SRGAP3: variants seen among roughly 807,000 people sequenced by gnomAD.
The protein encoded by SRGAP3 is SLIT-ROBO Rho GTPase-activating protein 3.
In SRGAP3, 39 loss-of-function variants were observed where a neutral mutation model predicts 121.1. The observed-to-expected ratio is 0.32, with a 90% confidence interval of 0.25 to 0.42. SRGAP3 has a LOEUF of 0.42. Among genes scored for constraint, SRGAP3 ranks in the 10% least tolerant of loss-of-function variants. SRGAP3 has a pLI of 1.00. For missense variants in SRGAP3, 1,213 were observed against 1,470.6 expected (o/e 0.82, Z 2.86); for synonymous variants, 601 against 570.0 (o/e 1.05, Z -0.77).
intron 10 of SRGAP3, 134 bp downstream of exon 10, chr3:9,047,257 G>T: frequency 4.5e-6 from 4 of 881,046 alleles, no homozygotes; most frequent in Non-Finnish European, 5.5e-6. Context: ...AGCCTGCCCA[G>T]TCCTGGTAAG....
At position 8,995,995 on chromosome 3, in the gene SRGAP3, A is replaced by T. The variant is rs531730995; in HGVS notation, c.2228-1472T>A. 3.3e-5 allele frequency among the ~76,000 whole-genome samples: 5 copies of T among 152,232 alleles called. No individual in the cohort carries two copies. The South Asian group carries it at 1.0e-3, about 32-fold the overall frequency. ...ACTGTGGACAATCTCGTCTTCATCG[A>T]TCTATTCATCCACCTGTCCATCACA... On this transcript the variant is annotated intron_variant, in intron 18 of 21. Transcript: ENST00000383836.
intron 17 of SRGAP3, among the ~76,000 whole-genome samples, 163 bp from the exon 18 acceptor site, chr3:9,010,550 T>G (rs935969656): frequency 6.6e-6 from 1 of 152,176 alleles, no homozygotes; most frequent in Non-Finnish European, 1.5e-5. Context: ...GGGACCTTCC[T>G]AATCAGAAAA....
At chr3:9,161,898 C>T (rs1436316651) in intron 1 of SRGAP3, among the ~76,000 whole-genome samples, 1 of 151,852 alleles carries the variant, frequency 6.6e-6, no homozygotes, top group East Asian at 1.9e-4. Flanking sequence ...TCACAACAGC[C>T]AAAAGGTAGA....
At chr3:9,193,604 C>T (rs1466004181) in intron 1 of SRGAP3, 1 of 152,284 alleles carries the variant, frequency 6.6e-6, no homozygotes, top group Non-Finnish European at 1.5e-5. Context: ...ACTAAGATCC[C>T]TGTGACACTG....
At position 9,122,479 on chromosome 3, in the gene SRGAP3, G is replaced by A. The variant is rs1189648430; in HGVS notation, c.260+2246C>T. 2.6e-5 allele frequency among the ~76,000 whole-genome samples: 4 copies of A among 152,244 alleles called. No homozygotes were observed. The East Asian group carries it at 7.7e-4, about 29-fold the overall frequency. On this transcript the variant is annotated intron_variant, in intron 2 of 21. Coordinates refer to ENST00000383836, the MANE Select transcript of SRGAP3 (RefSeq NM_014850.4). Reference sequence around the variant, plus strand: ...AATCCCAGCACTTTGGGAGGCCGAGGCGGGCGGATCATGAGGTCAGGAGAT... The same window carrying A: ...AATCCCAGCACTTTGGGAGGCCGAGACGGGCGGATCATGAGGTCAGGAGAT...
intron 1 of SRGAP3, among the ~76,000 whole-genome samples, chr3:9,243,300 G>T (rs1953711667): frequency 6.6e-6 from 1 of 152,036 alleles, no homozygotes; most frequent in Non-Finnish European, 1.5e-5. Context: ...GCACAAATGG[G>T]AAAGACCTGG....
intron 3 of SRGAP3, among the ~76,000 whole-genome samples, chr3:9,275,682 T>C (rs1559255364): frequency 6.6e-6 from 1 of 152,180 alleles, no homozygotes. Context: ...CATTCTCTCT[T>C]ACCTGCTGCC....
At chr3:9,149,063 A>C (rs1950121029) in intron 1 of SRGAP3, among the ~76,000 whole-genome samples, 2 of 151,912 alleles carry the variant, frequency 1.3e-5, no homozygotes, top group African/African-American at 4.8e-5. Flanking sequence ...AAATACAAAA[A>C]ATTAGCCGAG....
At chr3:9,359,774 T>A (rs940198725) in intron 1 of SRGAP3, among the ~76,000 whole-genome samples, 1 of 152,250 alleles carries the variant, frequency 6.6e-6, no homozygotes, top group Non-Finnish European at 1.5e-5. Flanking sequence ...AACCAATGTA[T>A]CATATCACAG....
chr3:9,007,558 A>C (rs1243627202), intron 18 of SRGAP3: 2 of 152,238 alleles, frequency 1.3e-5, no homozygotes, highest in African/African-American at 4.8e-5. Context: ...AGTTAGGTCA[A>C]GAAAATTCTC....
chr3:9,345,350 G>A (rs1955864841), intron 1 of SRGAP3, among the ~76,000 whole-genome samples: 1 of 151,932 alleles, frequency 6.6e-6, no homozygotes, highest in Admixed American at 6.6e-5. Flanking sequence ...TAAACAGCCA[G>A]GGGTGGTAGT....
At position 9,222,632 on chromosome 3, in the gene SRGAP3, C is replaced by A. The variant is rs76238048; in HGVS notation, c.67+26253G>T. ...ATTGCACTTTGAATCTTCTTTTTAG[C>A]ATCTTCTGTTAAGTGCTTTGAAACA... On this transcript the variant is annotated intron_variant, in intron 1 of 21. Coordinates refer to ENST00000383836, the MANE Select transcript of SRGAP3 (RefSeq NM_014850.4). Among the ~76,000 whole-genome samples, 1,406 of 152,316 alleles carry A rather than the reference C, an allele frequency of 9.2e-3. 10 individuals are homozygous for A. Among genetic ancestry groups the A allele is most frequent in the African/African-American group, 0.019 (789 of 41,568 alleles).
chr3:8,992,199 C>T (rs1314456799), intron 20 of SRGAP3, among the ~76,000 whole-genome samples: 2 of 152,124 alleles, frequency 1.3e-5, no homozygotes, highest in East Asian at 3.8e-4. Context: ...CATGACCCCT[C>T]CACTGGAAAA....
intron 8 of SRGAP3, among the ~76,000 whole-genome samples, chr3:9,055,949 G>A (rs1317235704): frequency 6.6e-6 from 1 of 152,176 alleles, no homozygotes; most frequent in East Asian, 1.9e-4. Flanking sequence ...ATCCAGGCTA[G>A]AGTGCAGTGG....
At chr3:9,211,314 C>T (rs12638703) in intron 1 of SRGAP3, among the ~76,000 whole-genome samples, 25,907 of 152,102 alleles carry the variant, frequency 0.17, 2,483 homozygotes, top group East Asian at 0.49. Context: ...TCTCATTCTC[C>T]CAGCTCCACC....
chr3:9,125,245 G>A (rs929786006), intron 1 of SRGAP3, among the ~76,000 whole-genome samples: 2 of 152,122 alleles, frequency 1.3e-5, no homozygotes, highest in South Asian at 2.1e-4. Flanking sequence ...CCTTTCTTAC[G>A]GAGATGATCT....
chr3:8,989,814 T>G (rs1296327057), intron 21 of SRGAP3, among the ~76,000 whole-genome samples: 1 of 152,248 alleles, frequency 6.6e-6, no homozygotes, highest in African/African-American at 2.4e-5. Flanking sequence ...TCTAAGCACT[T>G]GAGAAGAACC....
rs189783399 is a variant in SRGAP3 at position 9,037,200 on chromosome 3, A to C, written c.1436+863T>G. On this transcript the variant is annotated intron_variant, in intron 11 of 21. Coordinates refer to ENST00000383836, the MANE Select transcript of SRGAP3 (RefSeq NM_014850.4). ...CTCAGGTCCCTGGGCCCAGAAAGTG[A>C]GGCAAAAAGTAGCGCTCTACTGCCG... The C allele has an allele frequency of 5.9e-5, 9 of 152,342 alleles. No homozygotes were observed. The East Asian group carries it at 1.5e-3, about 26-fold the overall frequency. The allele number at this position is 152,342 out of a possible 1,614,324, so 9.4% of individuals were successfully genotyped here.
chr3:9,298,887 A>G (rs546915386), intron 3 of SRGAP3, among the ~76,000 whole-genome samples: 5 of 151,748 alleles, frequency 3.3e-5, no homozygotes, highest in Non-Finnish European at 7.4e-5. Context: ...CCCCATCTCT[A>G]CTAAAAATAG....
Sources: gnomAD v4.1 joint callset for allele counts (sites outside exome capture counted in the v4.1 genomes callset) on GRCh38, gnomAD v4.1.1 for gene constraint, MANE v1.5 for transcripts, NCBI Gene and HGNC (gene_info 2026-07-23, HGNC 2026-07-21) for gene names.